Variants in NSMCE2 observed in about 807,000 individuals in gnomAD.
NSMCE2 encodes NSE2 SUMO ligase component of SMC5/6 complex.
A neutral mutation model predicts 23.8 loss-of-function variants in NSMCE2; 24 were observed. The observed-to-expected ratio is 1.01, with a 90% CI of 0.73 to 1.42. NSMCE2 has a LOEUF of 1.42. Ranked by LOEUF, NSMCE2 falls within the 40% of genes most tolerant of loss-of-function variation. The pLI, the probability that NSMCE2 is intolerant of heterozygous loss-of-function variation, is 0.00. For missense variants in NSMCE2, 284 were observed against 296.5 expected, an observed-to-expected ratio of 0.96 and a Z score of 0.31; for synonymous variants, 92 against 94.1, an observed-to-expected ratio of 0.98 and a Z score of 0.13.
At chr8:125,229,769 ATTGT>A (rs1825245891) in intron 5 of NSMCE2, among the ~76,000 whole-genome samples, 1 of 152,116 alleles carries the variant, frequency 6.6e-6, no homozygotes, top group African/African-American at 2.4e-5. Context: ...TCTTTAGTTG[ATTGT>A]TTTAGTGTTT....
chr8:125,338,140 G>C (rs1372196848), intron 5 of NSMCE2, among the ~76,000 whole-genome samples: 1 of 152,052 alleles, frequency 6.6e-6, no homozygotes, highest in Non-Finnish European at 1.5e-5. Context: ...TACATGATGT[G>C]ACCTCCCAGG....
intron 5 of NSMCE2, among the ~76,000 whole-genome samples, chr8:125,234,316 A>G (rs1207138668): frequency 6.6e-6 from 1 of 152,250 alleles, no homozygotes; most frequent in African/African-American, 2.4e-5. Context: ...CATTTTGGCC[A>G]TACCATTTTA....
chr8:125,157,549 C>A (rs1165047429), intron 4 of NSMCE2, among the ~76,000 whole-genome samples: 1 of 152,102 alleles, frequency 6.6e-6, no homozygotes, highest in Non-Finnish European at 1.5e-5. Flanking sequence ...CAGTTATTCT[C>A]AAATTAAGGT....
At chr8:125,313,100 T>A (rs1586753366) in intron 5 of NSMCE2, among the ~76,000 whole-genome samples, 15 of 83,648 alleles carry the variant, frequency 1.8e-4, no homozygotes, top group African/African-American at 2.0e-4. Flanking sequence ...GAACTTAAAG[T>A]GGAAAAAAAA....
chr8:125,245,690 G>T (rs181045663), intron 5 of NSMCE2, among the ~76,000 whole-genome samples: 205 of 152,198 alleles, frequency 1.3e-3, no homozygotes, highest in Middle Eastern at 3.4e-3. Context: ...ACAATAAAAT[G>T]ATCAATCTAA....
intron 3 of NSMCE2, among the ~76,000 whole-genome samples, chr8:125,115,493 G>A (rs1438238881): frequency 3.3e-5 from 5 of 152,236 alleles, no homozygotes; most frequent in African/African-American, 1.2e-4. Flanking sequence ...GCTCACGCCT[G>A]TAATCCCAGC....
intron 3 of NSMCE2, chr8:125,130,098 C>CTTTTTTTT: frequency 3.2e-6 from 1 of 315,132 alleles, no homozygotes; most frequent in Non-Finnish European, 6.4e-6. Context: ...GTTGGTTTCG[C>CTTTTTTTT]TTTTTTTTTT....
rs570327874 is a variant in NSMCE2 at position 125,197,993 on chromosome 8, G to A, written c.418+15737G>A. 1.1e-4 allele frequency among the ~76,000 whole-genome samples: 17 copies of A among 152,230 alleles called. No homozygotes were observed. In the East Asian group the frequency reaches 3.3e-3, roughly 29 times the overall value. ...TCACTCATGATTTGGGTCTCTGTCT[G>A]TTATTGGTGTATAGGAACGCTTGTG... On this transcript the variant is annotated intron_variant, in intron 5 of 7. Coordinates refer to ENST00000287437, the MANE Select transcript of NSMCE2 (RefSeq NM_173685.4).
chr8:125,288,926 C>G (rs895265769), intron 5 of NSMCE2, among the ~76,000 whole-genome samples: 6 of 152,122 alleles, frequency 3.9e-5, no homozygotes, highest in African/African-American at 1.4e-4. Flanking sequence ...GCCCAGGTAG[C>G]CAGGATCACA....
At chr8:125,274,143 A>G (rs1013666060) in intron 5 of NSMCE2, among the ~76,000 whole-genome samples, 1 of 152,198 alleles carries the variant, frequency 6.6e-6, no homozygotes, top group Non-Finnish European at 1.5e-5. Context: ...ACTCACTCCC[A>G]GCAGACAGGG....
At chr8:125,256,181 G>A (rs1826400365) in intron 5 of NSMCE2, among the ~76,000 whole-genome samples, 1 of 151,822 alleles carries the variant, frequency 6.6e-6, no homozygotes, top group Admixed American at 6.6e-5. Flanking sequence ...TACTCAGGAG[G>A]CTGAGGCAAG....
chr8:125,192,610 C>T (rs888793667), intron 5 of NSMCE2, among the ~76,000 whole-genome samples: 3 of 152,176 alleles, frequency 2.0e-5, no homozygotes, highest in Admixed American at 2.0e-4. Flanking sequence ...AAATCGAGCA[C>T]AGTCATACAA....
intron 5 of NSMCE2, among the ~76,000 whole-genome samples, chr8:125,232,672 T>C (rs1009248234): frequency 2.6e-5 from 4 of 152,188 alleles, no homozygotes; most frequent in African/African-American, 7.2e-5. Flanking sequence ...ACCTTCAACA[T>C]TGGGCAACTC....
intron 5 of NSMCE2, among the ~76,000 whole-genome samples, chr8:125,214,328 G>A (rs1386359230): frequency 6.6e-6 from 1 of 152,164 alleles, no homozygotes; most frequent in East Asian, 1.9e-4. Flanking sequence ...CTAGGGAATA[G>A]CAGTAGCATC....
At chr8:125,316,732 T>TTTCC (rs58493916) in intron 5 of NSMCE2, among the ~76,000 whole-genome samples, 3,720 of 102,390 alleles carry the variant, frequency 0.036, 129 homozygotes, top group African/African-American at 0.065. Flanking sequence ...CTTTCCTTCT[T>TTTCC]TTCCTTCCTT....
intron 4 of NSMCE2, 34 bp from the exon 5 acceptor site, chr8:125,182,069 C>T: frequency 2.0e-6 from 3 of 1,485,102 alleles, no homozygotes; most frequent in Non-Finnish European, 2.7e-6. Context: ...TTATTATTAA[C>T]ATTTAACTCA....
intron 5 of NSMCE2, among the ~76,000 whole-genome samples, chr8:125,217,581 T>C (rs1824656980): frequency 6.6e-6 from 1 of 152,144 alleles, no homozygotes; most frequent in South Asian, 2.1e-4. Flanking sequence ...TTAGCCAGGA[T>C]GGTCTGTATC....
At chr8:125,174,177 C>A (rs1822359683) in intron 4 of NSMCE2, among the ~76,000 whole-genome samples, 1 of 152,036 alleles carries the variant, frequency 6.6e-6, no homozygotes, top group Admixed American at 6.6e-5. Context: ...TTGCAATAAT[C>A]TGCTTGATTA....
At position 125,214,532 on chromosome 8, in the gene NSMCE2, A is replaced by C. The variant is rs549611542; in HGVS notation, c.418+32276A>C. Among the ~76,000 whole-genome samples, 62 of 152,126 alleles carry C rather than the reference A, an allele frequency of 4.1e-4. 1 individual carries two copies. Among genetic ancestry groups the C allele is most frequent in the Middle Eastern group, 3.4e-3 (1 of 294 alleles). ...AAAGAAAGGAGTTTGCCACAGACCA[A>C]CCCCTTTTGCCTCTGCTTAGAATTT... On this transcript the variant is annotated intron_variant, in intron 5 of 7. Coordinates refer to ENST00000287437, the MANE Select transcript of NSMCE2 (RefSeq NM_173685.4).
Sources: gnomAD v4.1 joint callset for allele counts (sites outside exome capture counted in the v4.1 genomes callset) on GRCh38, gnomAD v4.1.1 for gene constraint, MANE v1.5 for transcripts, NCBI Gene and HGNC (gene_info 2026-07-23, HGNC 2026-07-21) for gene names.